The following RAB28 variants were observed in gnomAD, a reference collection of about 807,000 sequenced individuals.
RAB28 encodes the protein RAB28, member RAS oncogene family.
Under a neutral mutation model 31.7 loss-of-function variants are expected in RAB28, and 24 were observed. The observed-to-expected ratio is 0.76, with a 90% CI of 0.55 to 1.06. The LOEUF (loss-of-function observed/expected upper bound fraction) is 1.06, where lower values mean the gene tolerates loss of function less well. RAB28 is among the 50% of genes least tolerant of loss of function. The pLI is 0.00. For missense variants in RAB28, 254 were observed against 258.5 expected (o/e 0.98, Z 0.12); for synonymous variants, 100 against 90.4 (o/e 1.11, Z -0.60).
intron 3 of RAB28, among the ~76,000 whole-genome samples, chr4:13,469,000 A>G (rs1577244216): frequency 6.6e-6 from 1 of 152,102 alleles, no homozygotes; most frequent in Middle Eastern, 3.4e-3. Context: ...CACATTACCA[A>G]AACTATTGAC....
At chr4:13,412,599 C>T (rs750153771) in intron 4 of RAB28, among the ~76,000 whole-genome samples, 3 of 151,578 alleles carry the variant, frequency 2.0e-5, no homozygotes, top group African/African-American at 4.9e-5. Flanking sequence ...TGAGTTGCTG[C>T]GGGAAAAAAT....
chr4:13,399,501 C>T (rs1020866052), intron 4 of RAB28, among the ~76,000 whole-genome samples: 6 of 152,144 alleles, frequency 3.9e-5, no homozygotes, highest in African/African-American at 1.4e-4. Context: ...TTCAACTTTG[C>T]AGAATGTCAA....
At chr4:13,456,351 C>CTAT (rs1715296998) in intron 4 of RAB28, among the ~76,000 whole-genome samples, 1 of 152,198 alleles carries the variant, frequency 6.6e-6, no homozygotes, top group Non-Finnish European at 1.5e-5. Flanking sequence ...CAAGTTGAAG[C>CTAT]TATCTATGCT....
At chr4:13,382,693 A>ATTTTTT (rs35120402) in intron 4 of RAB28, among the ~76,000 whole-genome samples, 1 of 73,910 alleles carries the variant, frequency 1.4e-5, no homozygotes, top group Non-Finnish European at 2.7e-5. Flanking sequence ...AAAATATGGA[A>ATTTTTT]TTTTTTTTTT....
At chr4:13,454,723 T>C (rs935247692) in intron 4 of RAB28, among the ~76,000 whole-genome samples, 3 of 152,188 alleles carry the variant, frequency 2.0e-5, no homozygotes, top group Admixed American at 6.5e-5. Flanking sequence ...TACATGCACA[T>C]GGTAAGTTGG....
rs370997972 is a variant in RAB28 at position 13,425,878 on chromosome 4, CT to C, written c.391+34820del. 4.3e-3 allele frequency among the ~76,000 whole-genome samples: 661 copies of C among 152,240 alleles called. 4 individuals carry two copies. The highest frequency in any genetic ancestry group is 0.024 in the Middle Eastern group (7 of 294). On this transcript the variant is annotated intron_variant, in intron 4 of 6. Transcript: ENST00000330852. ...ATCACAGTTTGGAACTGCATCAATT[CT>C]AAACAATATACATGTGATTGTCCTC...
At chr4:13,391,034 C>G (rs1484997160) in intron 4 of RAB28, among the ~76,000 whole-genome samples, 5 of 152,144 alleles carry the variant, frequency 3.3e-5, no homozygotes, top group Admixed American at 6.5e-5. Flanking sequence ...GCAATGGCAA[C>G]AAAAGACAAA....
At chr4:13,438,615 C>A (rs1197332524) in intron 4 of RAB28, among the ~76,000 whole-genome samples, 2 of 152,134 alleles carry the variant, frequency 1.3e-5, no homozygotes, top group Non-Finnish European at 2.9e-5. Context: ...GTATGTCACT[C>A]CTTTTTTGGC....
chr4:13,463,977 G>C (rs1715720845), intron 3 of RAB28, among the ~76,000 whole-genome samples: 2 of 152,072 alleles, frequency 1.3e-5, no homozygotes, highest in African/African-American at 4.8e-5. Flanking sequence ...TTCTTGGACT[G>C]ATCAGAAAAC....
intron 5 of RAB28, among the ~76,000 whole-genome samples, chr4:13,377,923 A>G (rs1057463067): frequency 2.6e-5 from 4 of 152,218 alleles, no homozygotes; most frequent in Admixed American, 6.5e-5. Context: ...GGCCTGAGCA[A>G]CTGGTAGATC....
At chr4:13,369,889 C>T in intron 6 of RAB28, 2 of 1,611,726 alleles carry the variant, frequency 1.2e-6, no homozygotes, top group East Asian at 2.2e-5. Flanking sequence ...CTGTACTGAA[C>T]AGATTCTACT....
At chr4:13,373,709 A>T (rs1353327135) in intron 6 of RAB28, among the ~76,000 whole-genome samples, 1 of 152,148 alleles carries the variant, frequency 6.6e-6, no homozygotes, top group African/African-American at 2.4e-5. Context: ...AAACTAGCAG[A>T]ATCTCTTTAA....
At chr4:13,397,367 G>A (rs1729914484) in intron 4 of RAB28, among the ~76,000 whole-genome samples, 1 of 152,126 alleles carries the variant, frequency 6.6e-6, no homozygotes, top group Non-Finnish European at 1.5e-5. Flanking sequence ...GAAGGAGATG[G>A]ATAAAGGCAC....
intron 1 of RAB28, among the ~76,000 whole-genome samples, chr4:13,483,344 C>A (rs905127252): frequency 6.6e-6 from 1 of 152,176 alleles, no homozygotes; most frequent in African/African-American, 2.4e-5. Context: ...CAGCTCTACC[C>A]TCAGCATCCT....
intron 4 of RAB28, among the ~76,000 whole-genome samples, chr4:13,431,139 A>C (rs1713786002): frequency 6.6e-6 from 1 of 152,214 alleles, no homozygotes. Context: ...AAGTGGCAGC[A>C]ACCCAGCAAC....
chr4:13,435,301 T>C (rs1456202696), intron 4 of RAB28, among the ~76,000 whole-genome samples: 1 of 151,640 alleles, frequency 6.6e-6, no homozygotes, highest in Non-Finnish European at 1.5e-5. Flanking sequence ...AACCAACTAA[T>C]GTCACACCTA....
intron 4 of RAB28, among the ~76,000 whole-genome samples, chr4:13,457,001 T>A (rs932299580): frequency 3.9e-5 from 6 of 152,216 alleles, no homozygotes; most frequent in African/African-American, 7.2e-5. Context: ...CCTCTCTTTT[T>A]CTCTCCCTCC....
intron 5 of RAB28, 22 bp from the exon 6 acceptor site, chr4:13,376,644 A>G: frequency 2.6e-6 from 4 of 1,528,904 alleles, no homozygotes; most frequent in Admixed American, 1.9e-5. Flanking sequence ...AAATGGGTTT[A>G]AATGATTTAA....
At chr4:13,466,678 C>A (rs1406362212) in intron 3 of RAB28, among the ~76,000 whole-genome samples, 2 of 151,856 alleles carry the variant, frequency 1.3e-5, no homozygotes, top group Non-Finnish European at 2.9e-5. Context: ...AATCCTACTT[C>A]TGTGTATTTA....
Sources: allele counts gnomAD v4.1 joint callset (sites outside exome capture counted in the v4.1 genomes callset), GRCh38; gene constraint gnomAD v4.1.1; transcripts MANE v1.5; gene names NCBI Gene and HGNC (gene_info 2026-07-23, HGNC 2026-07-21).